AKT1: variants seen among roughly 807,000 people sequenced by gnomAD.
AKT1 encodes the protein RAC-alpha serine/threonine-protein kinase.
A neutral mutation model predicts 63.1 loss-of-function variants in AKT1; 21 were observed. The observed-to-expected ratio is 0.33, with a 90% CI of 0.24 to 0.48. The LOEUF (loss-of-function observed/expected upper bound fraction) is 0.48, where lower values mean the gene tolerates loss of function less well. Among genes scored for constraint, AKT1 ranks in the 20% least tolerant of loss-of-function variants. The pLI is 0.99. For missense variants in AKT1, 382 were observed against 666.0 expected, an observed-to-expected ratio of 0.57 and a Z score of 4.69; for synonymous variants, 257 against 253.1, an observed-to-expected ratio of 1.02 and a Z score of -0.15.
rs2140929628 is a variant in AKT1 at position 104,776,671 on chromosome 14, G to C, written c.275C>G (p.Thr92Ser). 6.2e-7 allele frequency: 1 copy of C among 1,613,280 alleles called. No homozygotes were observed. ...ACAGCCCACGTACCGCTCCTCAGGA[G>C]TCTCCACATGGAAGGTGCGTTCGAT... ...TVIERTFHVE[T>S]PEEREEWTTA... Residue 92 changes from threonine (T) to serine (S), a missense_variant, in exon 5 of 15, where the codon ACT becomes AGT. By Grantham distance (58) the Thr-to-Ser change is moderately conservative. This residue lies in a region of AKT1 where 226 missense variants were observed against 366.4 expected (regional missense o/e 0.62). Coordinates refer to ENST00000649815, the MANE Select transcript of AKT1 (RefSeq NM_001382430.1).
chr14:104,770,958 C>T, intron 13 of AKT1, 111 bp from the exon 14 acceptor site: 1 of 937,386 alleles, frequency 1.1e-6, no homozygotes, highest in South Asian at 1.5e-5. Flanking sequence ...GGTCTCCAGG[C>T]AGGACTGATG....
intron 4 of AKT1, chr14:104,777,900 G>A (rs1040723068): frequency 6.1e-5 from 10 of 163,306 alleles, no homozygotes; most frequent in South Asian, 2.0e-4. Flanking sequence ...GTGAAGCCCC[G>A]GCACACCCAC....
rs567793825 is a variant in AKT1, at chr14:104,779,906, C to T, written c.175+182G>A. Among the ~76,000 whole-genome samples, 16 of 150,426 alleles carry T rather than the reference C, an allele frequency of 1.1e-4. No homozygotes were observed. In the South Asian group the frequency reaches 2.7e-3, roughly 26 times the overall value. ...CCAGCCTCAGCTTTGGGACTCAGCCCGGAGACCCCTGCCCAGCCAGCCTCG... is the reference window on the plus strand; with the variant it reads ...CCAGCCTCAGCTTTGGGACTCAGCCTGGAGACCCCTGCCCAGCCAGCCTCG... On this transcript the variant is annotated intron_variant, in intron 4 of 14. Coordinates refer to ENST00000649815, the MANE Select transcript of AKT1 (RefSeq NM_001382430.1).
intron 3 of AKT1, chr14:104,786,202 C>T (rs1893322639): frequency 6.6e-6 from 1 of 152,356 alleles, no homozygotes; most frequent in Non-Finnish European, 1.5e-5. Flanking sequence ...CTCCCTGGCG[C>T]CTCCTACTCT....
intron 3 of AKT1, among the ~76,000 whole-genome samples, chr14:104,788,837 G>A (rs1369788925): frequency 6.6e-6 from 1 of 152,176 alleles, no homozygotes; most frequent in Admixed American, 6.5e-5. Flanking sequence ...CCTGAGGCCT[G>A]GACTGGGGGG....
In AKT1 at chr14:104,773,068, G is replaced by A. The variant is rs2140902755; in HGVS notation, c.982C>T (p.Arg328Cys). Residue 328 changes from arginine (R) to cysteine (C), a missense_variant, in exon 12 of 15, where the codon CGT (arginine) becomes TGT (cysteine). Physicochemically the swap from Arg to Cys is radical, Grantham distance 180. Coordinates refer to ENST00000649815, the MANE Select transcript of AKT1 (RefSeq NM_001382430.1). Reference sequence around the variant, plus strand: ...CCCAGCCCCCACCAGTCCACTGCACGGCCGTAGTCATTGTCCTCCAGCACC... The same window carrying A: ...CCCAGCCCCCACCAGTCCACTGCACAGCCGTAGTCATTGTCCTCCAGCACC... The part of the protein sequence containing the change: ...PEVLEDNDYG[R>C]AVDWWGLGVV... 3.1e-6 allele frequency: 5 copies of A among 1,614,078 alleles called. No individual in the cohort carries two copies. The highest frequency in any genetic ancestry group is 3.4e-6 in the Non-Finnish European group (4 of 1,180,002).
intron 4 of AKT1, chr14:104,777,380 G>GGGCACACGCACACCTGA (rs150595302): frequency 3.9e-6 from 1 of 257,742 alleles, no homozygotes; most frequent in Non-Finnish European, 6.5e-6. Flanking sequence ...GCCACACCTG[G>GGGCACACGCACACCTGA]GGCACACGCA....
rs1892289078 is a variant in AKT1 at position 104,770,079 on chromosome 14, C to T, written c.*262G>A. ...GTCCTTAACATTTCCCTACGTGAAT[C>T]GGATTGTTCTGAGGGCTGAGGCCAC... On this transcript the variant is annotated 3_prime_UTR_variant, in exon 15 of 15. Transcript: ENST00000649815. 10 of 558,520 alleles carry T rather than the reference C, an allele frequency of 1.8e-5. No homozygotes were observed. Among genetic ancestry groups the T allele is most frequent in the South Asian group, 8.1e-5 (4 of 49,604 alleles). The allele number at this position is 558,520 out of a possible 1,614,324, so 34.6% of individuals were successfully genotyped here.
At chr14:104,782,895 G>A (rs988577848) in intron 3 of AKT1, among the ~76,000 whole-genome samples, 1 of 152,140 alleles carries the variant, frequency 6.6e-6, no homozygotes, top group Admixed American at 6.5e-5. Flanking sequence ...ACTTGGGGGG[G>A]TGCCAGCTGC....
rs2498796 is a variant in AKT1 at position 104,776,883 on chromosome 14, G to A, written c.176-113C>T. ...CCTTGCATACCACCCACCAGGTCCT[G>A]GGAAGCCCCATCTCTTCCTCTCTCC... is the stretch of plus-strand genomic sequence containing the variant. On this transcript the variant is annotated intron_variant, in intron 4 of 14. Transcript: ENST00000649815. 270,769 of 808,566 alleles carry A rather than the reference G, an allele frequency of 0.33. 48,295 individuals are homozygous for A. Among genetic ancestry groups the A allele is most frequent in the East Asian group, 0.57 (20,923 of 36,570 alleles). 50.1% of individuals were successfully genotyped at this position (808,566 alleles called of 1,614,324 possible).
intron 1 of AKT1, chr14:104,794,464 G>A (rs904219634): frequency 6.6e-6 from 1 of 152,238 alleles, no homozygotes; most frequent in African/African-American, 2.4e-5. Context: ...TGTGGGGGCG[G>A]AGGGACCCCG....
chr14:104,773,935 T>A lies in AKT1; in HGVS notation c.679A>T (p.Met227Leu). The part of the protein sequence containing the change: ...FQTHDRLCFV[M>L]EYANGGELFF... ...ACCTCGCCCCCGTTGGCGTACTCCA[T>A]GACAAAGCAGAGGCGGTCGTGGGTC... Residue 227 changes from methionine (M) to leucine (L), a missense_variant, in exon 9 of 15, where the codon ATG (methionine) becomes TTG (leucine). Around this residue, in one of 3 missense-constraint regions of AKT1, gnomAD observed 226 missense variants for 366.4 expected, o/e 0.62. Coordinates refer to ENST00000649815, the MANE Select transcript of AKT1 (RefSeq NM_001382430.1). 1 of 1,612,640 alleles carries A rather than the reference T, an allele frequency of 6.2e-7. No homozygotes were observed. Among genetic ancestry groups the A allele is most frequent in the Non-Finnish European group, 8.5e-7 (1 of 1,179,368 alleles).
At chr14:104,792,836 C>G (rs1341487197) in intron 2 of AKT1, 114 bp from the exon 3 acceptor site, 9 of 655,534 alleles carry the variant, frequency 1.4e-5, no homozygotes, top group Middle Eastern at 3.2e-4. Flanking sequence ...CCGCACCTGC[C>G]TTCCCAGGTG....
intron 5 of AKT1, 165 bp from the exon 6 acceptor site, chr14:104,775,964 A>G: frequency 1.3e-6 from 1 of 751,806 alleles, no homozygotes; most frequent in Non-Finnish European, 2.1e-6. Context: ...ACATACACTC[A>G]GGGTCACGAA....
At chr14:104,781,575 G>A (rs953042864) in intron 3 of AKT1, among the ~76,000 whole-genome samples, 1 of 151,656 alleles carries the variant, frequency 6.6e-6, no homozygotes, top group African/African-American at 2.4e-5. Context: ...TCGACACATG[G>A]CCACCCCCCG....
chr14:104,783,444 C>T (rs1470293354), intron 3 of AKT1, among the ~76,000 whole-genome samples: 1 of 152,080 alleles, frequency 6.6e-6, no homozygotes, highest in African/African-American at 2.4e-5. Context: ...ATGGGAAGCA[C>T]CCGCCACAGA....
chr14:104,770,539 G>T, intron 14 of AKT1, 119 bp from the exon 15 acceptor site: 1 of 1,114,672 alleles, frequency 9.0e-7, no homozygotes. Flanking sequence ...ATACTGCCAG[G>T]AAACTGAGAC....
intron 5 of AKT1, 171 bp from the exon 6 acceptor site, chr14:104,775,970 A>C: frequency 1.4e-6 from 1 of 734,616 alleles, no homozygotes; most frequent in Non-Finnish European, 2.2e-6. Context: ...ACTCAGGGTC[A>C]CGAAGCCCTC....
chr14:104,780,281 G>A (rs2140950959), intron 3 of AKT1, 65 bp from the exon 4 acceptor site: 1 of 1,584,440 alleles, frequency 6.3e-7, no homozygotes, highest in Non-Finnish European at 8.6e-7. Flanking sequence ...CAGGCAGCCA[G>A]GCAGGAACTG....
Sources: allele counts gnomAD v4.1 joint callset (sites outside exome capture counted in the v4.1 genomes callset), GRCh38; gene constraint gnomAD v4.1.1; regional missense constraint gnomAD v4.1.1; transcripts MANE v1.5; gene names NCBI Gene and HGNC (gene_info 2026-07-23, HGNC 2026-07-21).